Variants in CDH18 observed in about 807,000 individuals in gnomAD.
CDH18 encodes the protein cadherin 18.
A neutral mutation model predicts 67.9 loss-of-function variants in CDH18; 31 were observed. That is an observed-to-expected ratio of 0.46 (90% CI 0.34 to 0.62). The LOEUF is 0.62. CDH18 is among the 20% of genes least tolerant of loss of function. The probability of loss-of-function intolerance (pLI) is 0.01; values close to 1 mark genes in which losing one functional copy is unlikely to be tolerated. For missense variants in CDH18, 890 were observed against 975.5 expected, an observed-to-expected ratio of 0.91 and a Z score of 1.17; for synonymous variants, 362 against 347.2, an observed-to-expected ratio of 1.04 and a Z score of -0.48.
At chr5:19,912,141 A>G (rs989406173) in intron 2 of CDH18, among the ~76,000 whole-genome samples, 2 of 151,292 alleles carry the variant, frequency 1.3e-5, no homozygotes, top group Non-Finnish European at 2.9e-5. Flanking sequence ...ATAGAGGAAG[A>G]AAAAATAAAG....
At chr5:20,537,005 G>T (rs1396346063) in intron 1 of CDH18, among the ~76,000 whole-genome samples, 1 of 152,074 alleles carries the variant, frequency 6.6e-6, no homozygotes, top group African/African-American at 2.4e-5. Context: ...CTATGTGGGA[G>T]GGTGGACTTG....
chr5:19,599,687 G>C (rs62349557), intron 6 of CDH18, among the ~76,000 whole-genome samples: 2 of 152,122 alleles, frequency 1.3e-5, no homozygotes, highest in Non-Finnish European at 2.9e-5. Flanking sequence ...CAGATCACGA[G>C]ATCAAGAGAT....
chr5:19,838,723 A>G, intron 3 of CDH18, 36 bp downstream of exon 3: 5 of 1,426,938 alleles, frequency 3.5e-6, no homozygotes, highest in Non-Finnish European at 4.9e-6. Context: ...ACAATTTCTC[A>G]GGATAGAAAA....
intron 5 of CDH18, among the ~76,000 whole-genome samples, chr5:19,647,453 C>T (rs1754923858): frequency 7.0e-6 from 1 of 142,778 alleles, no homozygotes; most frequent in African/African-American, 2.6e-5. Context: ...TCACTTGAAC[C>T]CGGGAGGTAG....
chr5:19,762,677 G>T (rs1772525314), intron 3 of CDH18, among the ~76,000 whole-genome samples: 1 of 152,064 alleles, frequency 6.6e-6, no homozygotes, highest in Admixed American at 6.5e-5. Context: ...AACCACTGTG[G>T]AAGACATTGT....
intron 8 of CDH18, among the ~76,000 whole-genome samples, chr5:19,562,071 G>T (rs949939851): frequency 3.3e-5 from 5 of 152,152 alleles, no homozygotes; most frequent in African/African-American, 1.2e-4. Context: ...AGAACACAAT[G>T]GCTGAGTGTT....
At chr5:20,087,771 CAAAT>C (rs1410997490) in intron 2 of CDH18, among the ~76,000 whole-genome samples, 3 of 152,076 alleles carry the variant, frequency 2.0e-5, no homozygotes, top group Non-Finnish European at 4.4e-5. Context: ...CTTGGTAAGA[CAAAT>C]AATTTTTGTG....
intron 1 of CDH18, among the ~76,000 whole-genome samples, chr5:20,342,232 C>A (rs142503971): frequency 7.5e-4 from 114 of 152,102 alleles, no homozygotes; most frequent in African/African-American, 2.6e-3. Flanking sequence ...GGAATGGGGA[C>A]GTGTGGGAGG....
chr5:20,054,963 G>C (rs1333302957), intron 2 of CDH18, among the ~76,000 whole-genome samples: 1 of 152,104 alleles, frequency 6.6e-6, no homozygotes, highest in Non-Finnish European at 1.5e-5. Context: ...GAAGCCACAG[G>C]TATAGCAGTT....
intron 2 of CDH18, among the ~76,000 whole-genome samples, chr5:20,024,609 A>G (rs1738724818): frequency 6.6e-6 from 1 of 152,200 alleles, no homozygotes; most frequent in African/African-American, 2.4e-5. Context: ...AATAAAAAAG[A>G]GAATGATAAG....
intron 2 of CDH18, among the ~76,000 whole-genome samples, chr5:19,854,475 GTTCTT>G (rs1454975254): frequency 1.3e-5 from 2 of 152,080 alleles, no homozygotes; most frequent in Non-Finnish European, 2.9e-5. Context: ...TGGTCAGCAT[GTTCTT>G]TTCATGTCTC....
chr5:19,627,884 T>C (rs1751795428), intron 5 of CDH18, among the ~76,000 whole-genome samples: 1 of 152,172 alleles, frequency 6.6e-6, no homozygotes, highest in Non-Finnish European at 1.5e-5. Context: ...CCAGTGATGA[T>C]ATCAGAATGA....
At chr5:19,772,292 A>G (rs1773819254) in intron 3 of CDH18, among the ~76,000 whole-genome samples, 1 of 152,280 alleles carries the variant, frequency 6.6e-6, no homozygotes, top group East Asian at 1.9e-4. Context: ...TGATGTGAGT[A>G]ATTTAAGGAG....
At chr5:20,002,504 T>C (rs1561703069) in intron 2 of CDH18, among the ~76,000 whole-genome samples, 1 of 152,216 alleles carries the variant, frequency 6.6e-6, no homozygotes, top group South Asian at 2.1e-4. Flanking sequence ...CAATAACTTA[T>C]GTAATTTACC....
chr5:20,081,024 T>G (rs1744425351), intron 2 of CDH18, among the ~76,000 whole-genome samples: 1 of 152,114 alleles, frequency 6.6e-6, no homozygotes, highest in Admixed American at 6.6e-5. Flanking sequence ...GATTTTTTAT[T>G]TAATTACTAT....
At chr5:20,345,484 G>GC (rs1740625562) in intron 1 of CDH18, among the ~76,000 whole-genome samples, 1 of 151,854 alleles carries the variant, frequency 6.6e-6, no homozygotes, top group African/African-American at 2.4e-5. Flanking sequence ...TTTTATTCCT[G>GC]TTTTTTCCCT....
At chr5:20,312,381 T>A (rs1339824095) in intron 1 of CDH18, among the ~76,000 whole-genome samples, 1 of 152,190 alleles carries the variant, frequency 6.6e-6, no homozygotes, top group Non-Finnish European at 1.5e-5. Context: ...TAAATTAAAA[T>A]TTTTAATGTT....
At chr5:20,007,619 G>C (rs936565277) in intron 2 of CDH18, among the ~76,000 whole-genome samples, 3 of 151,536 alleles carry the variant, frequency 2.0e-5, no homozygotes, top group African/African-American at 4.8e-5. Flanking sequence ...AGAGAGTAGC[G>C]GGAGTTGAAA....
At chr5:19,637,029 T>C (rs546570955) in intron 5 of CDH18, among the ~76,000 whole-genome samples, 1 of 152,298 alleles carries the variant, frequency 6.6e-6, no homozygotes, top group African/African-American at 2.4e-5. Context: ...ATCTGTGCCT[T>C]TCCTCTAATG....
Sources: allele counts gnomAD v4.1 joint callset (sites outside exome capture counted in the v4.1 genomes callset), GRCh38; gene constraint gnomAD v4.1.1; transcripts MANE v1.5; gene names NCBI Gene and HGNC (gene_info 2026-07-23, HGNC 2026-07-21).